The following SGCD variants were observed in gnomAD, a reference collection of about 807,000 sequenced individuals.
The protein encoded by SGCD is sarcoglycan delta.
A neutral mutation model predicts 36.6 loss-of-function variants in SGCD; 18 were observed. The ratio of observed to expected loss-of-function variants is 0.49; its 90% CI spans 0.34 to 0.73. SGCD has a LOEUF of 0.73. Among genes scored for constraint, SGCD ranks in the 30% least tolerant of loss-of-function variants. The pLI is 0.01. For synonymous variants in SGCD, 133 were observed against 130.6 expected, an observed-to-expected ratio of 1.02 and a Z score of -0.12; for missense variants, 387 against 346.7, an observed-to-expected ratio of 1.12 and a Z score of -0.92.
chr5:155,982,142 T>A (rs1034096684), intron 1 of SGCD, among the ~76,000 whole-genome samples: 5 of 152,212 alleles, frequency 3.3e-5, no homozygotes, highest in Admixed American at 6.5e-5. Flanking sequence ...TCCATTGTGA[T>A]AGGTGCCTTG....
At chr5:155,902,336 T>C (rs995489089) in intron 1 of SGCD, among the ~76,000 whole-genome samples, 3 of 152,366 alleles carry the variant, frequency 2.0e-5, no homozygotes, top group Non-Finnish European at 2.9e-5. Flanking sequence ...CACTAAACTG[T>C]AAAATGTTAG....
intron 5 of SGCD, among the ~76,000 whole-genome samples, chr5:156,590,319 G>T (rs914595328): frequency 7.9e-5 from 12 of 152,110 alleles, no homozygotes; most frequent in African/African-American, 2.7e-4. Flanking sequence ...CTGGAGTGCT[G>T]CATGTAGATG....
chr5:156,005,503 T>C (rs552770739), intron 1 of SGCD, among the ~76,000 whole-genome samples: 1 of 152,034 alleles, frequency 6.6e-6, no homozygotes, highest in Non-Finnish European at 1.5e-5. Context: ...CAGGCTGGAG[T>C]GCAGTGGCGT....
chr5:155,969,356 A>G (rs921767690), intron 1 of SGCD, among the ~76,000 whole-genome samples: 1 of 152,162 alleles, frequency 6.6e-6, no homozygotes, highest in Non-Finnish European at 1.5e-5. Context: ...ATGGTGATTT[A>G]TATGTGTTTG....
At chr5:155,975,491 A>T (rs1758092949) in intron 1 of SGCD, among the ~76,000 whole-genome samples, 1 of 151,896 alleles carries the variant, frequency 6.6e-6, no homozygotes, top group South Asian at 2.1e-4. Flanking sequence ...ACCTGGCAAG[A>T]TACATTTACA....
chr5:156,132,813 C>A (rs918626347), intron 3 of SGCD, among the ~76,000 whole-genome samples: 1 of 152,200 alleles, frequency 6.6e-6, no homozygotes, highest in African/African-American at 2.4e-5. Flanking sequence ...TTTCTTTAGC[C>A]CTCACTGAAT....
At chr5:156,731,423 A>G (rs1394665643) in intron 7 of SGCD, among the ~76,000 whole-genome samples, 1 of 152,218 alleles carries the variant, frequency 6.6e-6, no homozygotes, top group East Asian at 1.9e-4. Flanking sequence ...TGTATGATGT[A>G]AGGAACAGGT....
intron 3 of SGCD, among the ~76,000 whole-genome samples, chr5:156,155,613 GAAAA>G (rs56154305): frequency 2.3e-5 from 3 of 131,152 alleles, no homozygotes; most frequent in Admixed American, 7.6e-5. Context: ...CGTGGGCTAG[GAAAA>G]AAAAAAAAAA....
intron 3 of SGCD, among the ~76,000 whole-genome samples, chr5:156,240,606 C>T (rs985392646): frequency 3.3e-5 from 5 of 151,902 alleles, no homozygotes; most frequent in Non-Finnish European, 5.9e-5. Context: ...AGATAAGAAC[C>T]GAAATTCAGA....
At chr5:155,738,771 TGA>T in the SGCD span, among the ~76,000 whole-genome samples, 7 of 143,718 alleles carry the variant, frequency 4.9e-5, no homozygotes, top group South Asian at 2.2e-4. Context: ...TGTGAGAGTG[TGA>T]GAGAATGTGT....
upstream of SGCD, among the ~76,000 whole-genome samples, chr5:156,324,565 CTG>C (rs1767754801): frequency 6.6e-6 from 1 of 152,116 alleles, no homozygotes; most frequent in Non-Finnish European, 1.5e-5. Context: ...GGGTCTCAAA[CTG>C]AGATCTCTCC....
rs375288604 is a variant in SGCD at position 156,726,540 on chromosome 5, T to C, written c.576-31041T>C. Reference sequence around the variant, plus strand: ...AACTGCCTTTAAAGGAAAGACCCCATACTCCTTTCTTCAGCCAACAAGGTT... The same window carrying C: ...AACTGCCTTTAAAGGAAAGACCCCACACTCCTTTCTTCAGCCAACAAGGTT... On this transcript the variant is annotated intron_variant, in intron 7 of 8. Transcript: ENST00000337851. Among the ~76,000 whole-genome samples the C allele has an allele frequency of 2.0e-4, 31 of 152,316 alleles. No homozygotes were observed. The South Asian group carries it at 6.2e-3, about 31-fold the overall frequency.
At chr5:156,107,017 T>C (rs1473437871) in intron 1 of SGCD, among the ~76,000 whole-genome samples, 1 of 152,196 alleles carries the variant, frequency 6.6e-6, no homozygotes, top group Non-Finnish European at 1.5e-5. Context: ...TGACATTTGA[T>C]CTCTGTGTTA....
At chr5:155,970,289 C>T (rs1273080559) in intron 1 of SGCD, among the ~76,000 whole-genome samples, 1 of 152,132 alleles carries the variant, frequency 6.6e-6, no homozygotes, top group African/African-American at 2.4e-5. Flanking sequence ...AGCTCTGTCT[C>T]TTCCAGTAGA....
chr5:156,322,875 T>C (rs1215127505), upstream of SGCD, among the ~76,000 whole-genome samples: 1 of 152,120 alleles, frequency 6.6e-6, no homozygotes, highest in East Asian at 1.9e-4. Flanking sequence ...GGTCAAAGAG[T>C]TGTGCAATCA....
At chr5:156,379,436 A>G (rs1329164676) in intron 3 of SGCD, among the ~76,000 whole-genome samples, 1 of 152,146 alleles carries the variant, frequency 6.6e-6, no homozygotes, top group South Asian at 2.1e-4. Flanking sequence ...CGCCATATGG[A>G]TGGTGTGTTC....
chr5:156,437,558 T>C (rs1435399125), intron 3 of SGCD, among the ~76,000 whole-genome samples: 1 of 152,172 alleles, frequency 6.6e-6, no homozygotes, highest in Admixed American at 6.6e-5. Flanking sequence ...TGTTATAGCA[T>C]ACAAGGGCTG....
chr5:156,380,660 CA>C (rs1770927798), intron 3 of SGCD, among the ~76,000 whole-genome samples: 1 of 152,132 alleles, frequency 6.6e-6, no homozygotes, highest in Admixed American at 6.5e-5. Flanking sequence ...ACTTCCTAGC[CA>C]TGTGATATTA....
intron 2 of SGCD, among the ~76,000 whole-genome samples, chr5:156,332,998 G>T (rs1022173683): frequency 1.3e-5 from 2 of 152,166 alleles, no homozygotes; most frequent in African/African-American, 4.8e-5. Flanking sequence ...ATGAAAGCAT[G>T]CAAAGTGCTT....
Sources: allele counts gnomAD v4.1 joint callset (sites outside exome capture counted in the v4.1 genomes callset), GRCh38; gene constraint gnomAD v4.1.1; transcripts MANE v1.5; gene names NCBI Gene and HGNC (gene_info 2026-07-23, HGNC 2026-07-21).